The following AGO2 variants were observed in gnomAD, a reference collection of about 807,000 sequenced individuals.
AGO2 encodes protein argonaute-2.
AGO2 carries 5 observed loss-of-function variants against 102.3 expected under a neutral mutation model. The ratio of observed to expected loss-of-function variants is 0.05; its 90% CI spans 0.03 to 0.10. The LOEUF (loss-of-function observed/expected upper bound fraction) is 0.10, where lower values mean the gene tolerates loss of function less well. Among genes scored for constraint, AGO2 ranks in the 10% least tolerant of loss-of-function variants. The pLI is 1.00. For synonymous variants in AGO2, 449 were observed against 473.1 expected, an observed-to-expected ratio of 0.95 and a Z score of 0.66; for missense variants, 541 against 1,183.7, an observed-to-expected ratio of 0.46 and a Z score of 7.97.
chr8:140,613,829 A>C (rs982920729), intron 1 of AGO2, among the ~76,000 whole-genome samples: 4 of 150,074 alleles, frequency 2.7e-5, no homozygotes, highest in Non-Finnish European at 5.9e-5. Flanking sequence ...CAGCCTGGGC[A>C]ACACAGAGAG....
chr8:140,527,724 A>G lies in AGO2; in HGVS notation c.*4320T>C, dbSNP rs1010469748. 1 of 152,258 alleles carries G rather than the reference A, an allele frequency of 6.6e-6. No individual in the cohort carries two copies. 9.4% of individuals were successfully genotyped at this position (152,258 alleles called of 1,614,324 possible). ...AAGTTTCTGTTTCTATTTATTGTAC[A>G]TTCCTTTTCTCATGAGCGTGAGAGA... On this transcript the variant is annotated 3_prime_UTR_variant, in exon 19 of 19. Transcript: ENST00000220592. The surrounding 1 kb of genome is among the most constrained non-coding windows in gnomAD (Gnocchi z 6.0).
rs78979178 is a variant in AGO2 at position 140,621,943 on chromosome 8, C to T, written c.22+13542G>A. ...CTAGCCCATGAGAAATGAACACACA[C>T]GTCCACAGGAAAACTTGTACACAAA... On this transcript the variant is annotated intron_variant, in intron 1 of 18. Coordinates refer to ENST00000220592, the MANE Select transcript of AGO2 (RefSeq NM_012154.5). 1.5e-4 allele frequency among the ~76,000 whole-genome samples: 23 copies of T among 152,234 alleles called. No homozygotes were observed. In the East Asian group the frequency reaches 2.7e-3, roughly 18 times the overall value.
intron 3 of AGO2, among the ~76,000 whole-genome samples, chr8:140,566,328 T>A (rs2073283717): frequency 1.3e-5 from 2 of 152,244 alleles, no homozygotes; most frequent in African/African-American, 4.8e-5. Context: ...CTGTGATGCT[T>A]CCCTAGCCAC....
At chr8:140,565,625 G>A (rs1458023223) in intron 3 of AGO2, among the ~76,000 whole-genome samples, 1 of 149,988 alleles carries the variant, frequency 6.7e-6, no homozygotes, top group South Asian at 2.1e-4. Context: ...CTGGGGATCA[G>A]AGTGAGACTC....
intron 2 of AGO2, among the ~76,000 whole-genome samples, chr8:140,580,911 C>A (rs1020377515): frequency 6.6e-6 from 1 of 152,378 alleles, no homozygotes; most frequent in South Asian, 2.1e-4. Context: ...TTACCAACTG[C>A]GTGACCTGAG....
chr8:140,637,435 T>C (rs2074417941), upstream of AGO2: 2 of 152,198 alleles, frequency 1.3e-5, no homozygotes, highest in South Asian at 4.1e-4. Context: ...CGCCTTCAGC[T>C]CCTTTGAGCG....
At chr8:140,590,216 G>A (rs1176235920) in intron 1 of AGO2, among the ~76,000 whole-genome samples, 1 of 152,162 alleles carries the variant, frequency 6.6e-6, no homozygotes, top group Non-Finnish European at 1.5e-5. Context: ...CCCAGCTGAT[G>A]CGTTCTACCC....
intron 11 of AGO2, among the ~76,000 whole-genome samples, chr8:140,551,077 C>T (rs2072985043): frequency 6.6e-6 from 1 of 152,264 alleles, no homozygotes; most frequent in Non-Finnish European, 1.5e-5. Context: ...TCCATGCTCA[C>T]TGCGAGGGTG....
chr8:140,582,403 G>A lies in AGO2; in HGVS notation c.215+2716C>T, dbSNP rs141538961. ...AAATGCTCATTGGAGCATTTTGGGTGTCAGGTTTTCAGATCTGCAATGCTC... is the reference window on the plus strand; with the variant it reads ...AAATGCTCATTGGAGCATTTTGGGTATCAGGTTTTCAGATCTGCAATGCTC... On this transcript the variant is annotated intron_variant, in intron 2 of 18. Coordinates refer to ENST00000220592, the MANE Select transcript of AGO2 (RefSeq NM_012154.5). Among the ~76,000 whole-genome samples the A allele has an allele frequency of 1.5e-3, 236 of 152,316 alleles. 3 individuals are homozygous for A. The highest frequency in any genetic ancestry group is 3.4e-3 in the Middle Eastern group (1 of 294).
rs1482652446 is a variant in AGO2, at chr8:140,523,292, A to G, written c.*8752T>C. 2.0e-5 allele frequency: 3 copies of G among 152,232 alleles called. No individual in the cohort carries two copies. Among genetic ancestry groups the G allele is most frequent in the Non-Finnish European group, 4.4e-5 (3 of 68,034 alleles). The allele number at this position is 152,232 out of a possible 1,614,324, so 9.4% of individuals were successfully genotyped here. On this transcript the variant is annotated 3_prime_UTR_variant, in exon 19 of 19. Coordinates refer to ENST00000220592, the MANE Select transcript of AGO2 (RefSeq NM_012154.5). ...CAATGGTCATAATACATTTTGATTC[A>G]AAATGTCTTCTAAAATGTTTTCATT... is the stretch of plus-strand genomic sequence containing the variant.
At chr8:140,630,246 C>G (rs1283568913) in intron 1 of AGO2, among the ~76,000 whole-genome samples, 4 of 152,196 alleles carry the variant, frequency 2.6e-5, no homozygotes, top group Admixed American at 1.3e-4. Context: ...ATCTGAGAGG[C>G]CGCCCGTCCA....
At position 140,556,294 on chromosome 8, in the gene AGO2, G is replaced by C; in HGVS notation, c.1027-8C>G. ...TGCCACAATGTTACAGACCTGTGAA[G>C]AGGACGTAGAGACAGGCCGTCAGTG... On this transcript the variant is annotated splice_region_variant and splice_polypyrimidine_tract_variant and intron_variant, in intron 8 of 18. Transcript: ENST00000220592. 1 of 1,613,986 alleles carries C rather than the reference G, an allele frequency of 6.2e-7. No homozygotes were observed. Among genetic ancestry groups the C allele is most frequent in the South Asian group, 1.1e-5 (1 of 91,058 alleles).
chr8:140,627,535 T>C (rs1359717972), intron 1 of AGO2, among the ~76,000 whole-genome samples: 1 of 152,220 alleles, frequency 6.6e-6, no homozygotes, highest in East Asian at 1.9e-4. Context: ...CCTGAGTTAC[T>C]GCCCCAGTAG....
intron 1 of AGO2, among the ~76,000 whole-genome samples, chr8:140,616,930 A>G (rs1020254596): frequency 3.3e-5 from 5 of 152,238 alleles, no homozygotes; most frequent in African/African-American, 4.8e-5. Context: ...TGTTTTCACC[A>G]GGCAGCCTGT....
At chr8:140,584,206 C>T (rs951703268) in intron 2 of AGO2, among the ~76,000 whole-genome samples, 3 of 149,940 alleles carry the variant, frequency 2.0e-5, no homozygotes, top group Admixed American at 6.6e-5. Flanking sequence ...ATCACTTAAT[C>T]GATGAAAATA....
chr8:140,629,404 G>GT (rs57494285), intron 1 of AGO2, among the ~76,000 whole-genome samples: 64,753 of 151,882 alleles, frequency 0.43, 15,042 homozygotes, highest in Non-Finnish European at 0.53. Flanking sequence ...TATGGGGGAA[G>GT]TAAGGTTGGA....
At chr8:140,596,446 G>A (rs531176761) in intron 1 of AGO2, among the ~76,000 whole-genome samples, 11 of 152,294 alleles carry the variant, frequency 7.2e-5, no homozygotes, top group East Asian at 1.9e-4. Flanking sequence ...AGCCGGGCAC[G>A]GTGGCGCATG....
At chr8:140,556,117 G>A (rs1391830340) in intron 9 of AGO2, 50 bp downstream of exon 9, 10 of 1,611,490 alleles carry the variant, frequency 6.2e-6, no homozygotes, top group Non-Finnish European at 8.5e-6. Flanking sequence ...CTGTGCCAGG[G>A]CAACCGGACT....
In AGO2 at chr8:140,557,072, G is replaced by A. The variant is rs1384798768; in HGVS notation, c.1026+17C>T. On this transcript the variant is annotated intron_variant, in intron 8 of 18. Coordinates refer to ENST00000220592, the MANE Select transcript of AGO2 (RefSeq NM_012154.5). The surrounding 1 kb of genome is among the most constrained non-coding windows in gnomAD (Gnocchi z 5.9). ...CCTCCCAAGCCCCCAGAGACACACA[G>A]GAAGAGGGTGACTTGCCTCCAGGGG... The A allele has an allele frequency of 6.2e-7, 1 of 1,609,026 alleles. No individual in the cohort carries two copies. The highest frequency in any genetic ancestry group is 2.2e-5 in the East Asian group (1 of 44,802).
Sources: allele counts gnomAD v4.1 joint callset (sites outside exome capture counted in the v4.1 genomes callset), GRCh38; gene constraint gnomAD v4.1.1; non-coding constraint Gnocchi (gnomAD v3.1); transcripts MANE v1.5; gene names NCBI Gene and HGNC (gene_info 2026-07-23, HGNC 2026-07-21).